PTCH2: variants seen among roughly 807,000 people sequenced by gnomAD.
PTCH2 encodes the protein patched 2, also known as protein patched homolog 2.
A neutral mutation model predicts 117.9 loss-of-function variants in PTCH2; 96 were observed. The ratio of observed to expected loss-of-function variants is 0.81; its 90% CI spans 0.69 to 0.96. The LOEUF is 0.96. PTCH2 is among the 50% of genes least tolerant of loss of function. The pLI is 0.00. For synonymous variants in PTCH2, 615 were observed against 660.9 expected (o/e 0.93, Z 1.06); for missense variants, 1,379 against 1,562.5 (o/e 0.88, Z 1.98).
intron 2 of PTCH2, among the ~76,000 whole-genome samples, chr1:44,838,093 AAAAG>A (rs1653767331): frequency 6.6e-6 from 1 of 151,940 alleles, no homozygotes; most frequent in Non-Finnish European, 1.5e-5. Context: ...AAAAAAAAAA[AAAAG>A]AAAGGATGGG....
intron 2 of PTCH2, among the ~76,000 whole-genome samples, chr1:44,836,485 G>A (rs1007766087): frequency 5.3e-5 from 8 of 152,068 alleles, no homozygotes; most frequent in East Asian, 3.9e-4. Context: ...CGAGGTGGGC[G>A]GATCACGAAG....
chr1:44,823,110 G>A lies in PTCH2; in HGVS notation c.3316C>T (p.Leu1106=), dbSNP rs778743979. Residue 1106 remains leucine, a synonymous_variant, in exon 21 of 22, where the codon CTG becomes TTG. Transcript: ENST00000372192. This position sits in a 1 kb window ranked among gnomAD's most constrained non-coding sequence, Gnocchi z 5.1. ...TLLGLLHGLV[L]LPVLLSILGP... ...AGGATGGACAGCAGCACAGGCAGCA[G>A]CACGAGTCCATGGAGGAGGCCCAGG... is the stretch of plus-strand genomic sequence containing the variant. The A allele has an allele frequency of 2.5e-6, 4 of 1,613,920 alleles. No homozygotes were observed. The South Asian group carries it at 3.3e-5, about 13-fold the overall frequency.
In PTCH2 at chr1:44,831,777, C is replaced by A. The variant is rs547735253; in HGVS notation, c.546G>T (p.Pro182=). 1 of 1,600,024 alleles carries A rather than the reference C, an allele frequency of 6.2e-7. No individual in the cohort carries two copies. The highest frequency in any genetic ancestry group is 8.5e-7 in the Non-Finnish European group (1 of 1,173,186). The change falls in exon 5 of 22, where the codon CCG becomes CCT. Residue 182 remains proline, a synonymous_variant. Transcript: ENST00000372192. The surrounding 1 kb of genome is among the most constrained non-coding windows in gnomAD (Gnocchi z 4.3). The part of the protein sequence containing the change: ...MIERMIEKLF[P]CVILTPLDCF... ...AGTCGAGGGGGGTGAGGATCACGCA[C>A]GGAAACAGCTTCTCAATCATCTGCC...
downstream of PTCH2, chr1:44,819,974 C>G (rs150681043): frequency 2.8e-3 from 437 of 154,160 alleles, 2 homozygotes; most frequent in Non-Finnish European, 3.9e-3. Flanking sequence ...AAGATTTATG[C>G]GCTTTGAAGA....
chr1:44,840,528 T>C (rs1653902652), intron 2 of PTCH2, among the ~76,000 whole-genome samples: 1 of 151,092 alleles, frequency 6.6e-6, no homozygotes. Context: ...CTGGCCAACA[T>C]GGTGAAACCT....
downstream of PTCH2, among the ~76,000 whole-genome samples, chr1:44,821,512 C>T (rs1389440817): frequency 1.3e-5 from 2 of 152,216 alleles, no homozygotes; most frequent in Admixed American, 6.5e-5. Context: ...TCTGCTTCAA[C>T]TGGCTGCTTT....
In PTCH2 at chr1:44,826,504, C is replaced by G. The variant is rs1268299842; in HGVS notation, c.2960G>C (p.Trp987Ser). The G allele has an allele frequency of 6.8e-6, 11 of 1,613,774 alleles. No homozygotes were observed. Among genetic ancestry groups the G allele is most frequent in the Non-Finnish European group, 9.3e-6 (11 of 1,180,022 alleles). ...AGCACTCACTATGAGGCCAGCCGTC[C>G]AGGGGTTGAGGAGCAGCAGAGCACA... The part of the protein sequence containing the change: ...LVCALLLLNP[W>S]TAGLIVLVLA... Residue 987 changes from tryptophan to serine, a missense_variant, in exon 18 of 22, where the codon TGG becomes TCG. Physicochemically the swap from Trp to Ser is radical, Grantham distance 177. Transcript: ENST00000372192. This position sits in a 1 kb window ranked among gnomAD's most constrained non-coding sequence, Gnocchi z 5.1.
In PTCH2 at chr1:44,843,131, C is replaced by T. The variant is rs916022686; in HGVS notation, c.-199G>A. On this transcript the variant is annotated 5_prime_UTR_variant, in exon 1 of 22. Coordinates refer to ENST00000372192, the MANE Select transcript of PTCH2 (RefSeq NM_003738.5). ...AGTGCAGGGAGCTGCGGGTCCGGGG[C>T]GCGGCGCCGGGATTCACCCGCTCCG... The T allele has an allele frequency of 8.5e-5, 111 of 1,300,058 alleles. No homozygotes were observed. Among genetic ancestry groups the T allele is most frequent in the Non-Finnish European group, 9.8e-5 (101 of 1,025,628 alleles). 80.5% of individuals were successfully genotyped at this position (1,300,058 alleles called of 1,614,324 possible).
At position 44,827,448 on chromosome 1, in the gene PTCH2, G is replaced by A; in HGVS notation, c.2325C>T (p.Thr775=). ...AGTGCAGCCAGGTGCGGGGTGCCTG[G>A]GTGGCCGGTGGGGGCAGCACCGCCT... ...SLKAVLPPPA[T]QAPRTWLHYY... is the part of the protein sequence containing the mutation. Residue 775 remains threonine (T), a synonymous_variant, in exon 15 of 22, where the codon ACC becomes ACT. Coordinates refer to ENST00000372192, the MANE Select transcript of PTCH2 (RefSeq NM_003738.5). The A allele has an allele frequency of 5.6e-6, 9 of 1,614,122 alleles. No individual in the cohort carries two copies. The highest frequency in any genetic ancestry group is 7.6e-6 in the Non-Finnish European group (9 of 1,180,012).
At chr1:44,825,715 C>T (rs1239058700) in intron 19 of PTCH2, among the ~76,000 whole-genome samples, 2 of 149,772 alleles carry the variant, frequency 1.3e-5, no homozygotes, top group Non-Finnish European at 3.0e-5. Flanking sequence ...TCAGTAGAGA[C>T]GGGGTTTTGC....
chr1:44,841,714 G>A (rs1653954632), intron 2 of PTCH2, 133 bp downstream of exon 2: 2 of 905,420 alleles, frequency 2.2e-6, no homozygotes, highest in Non-Finnish European at 3.6e-6. Context: ...ATGCCCAGGT[G>A]TAGGACTCTG....
At chr1:44,842,440 C>T (rs1653995227) in intron 1 of PTCH2, among the ~76,000 whole-genome samples, 1 of 151,934 alleles carries the variant, frequency 6.6e-6, no homozygotes, top group South Asian at 2.1e-4. Context: ...CCACCACGCC[C>T]TGCTAATTTT....
In PTCH2 at chr1:44,830,957, C is replaced by T. The variant is rs376337405; in HGVS notation, c.704G>A (p.Arg235Gln). 4.3e-5 allele frequency: 69 copies of T among 1,610,186 alleles called. No individual in the cohort carries two copies. The highest frequency in any genetic ancestry group is 5.3e-5 in the African/African-American group (4 of 74,826). Residue 235 changes from arginine (R) to glutamine (Q), a missense_variant, in exon 6 of 22, where the codon CGG becomes CAG. By Grantham distance (43) the Arg-to-Gln change is conservative. Coordinates refer to ENST00000372192, the MANE Select transcript of PTCH2 (RefSeq NM_003738.5). ...LGPFASLEGF[R>Q]ELLDKAQVGQ... ...CACCTGTGCCTTGTCTAGCAGCTCC[C>T]GGAAGCCCTCAAGGGAGGCAAAGGG...
Position 44,828,166 on chromosome 1 carries a change from T to C in PTCH2, c.1735A>G (p.Ile579Val), listed in dbSNP as rs764537245. Residue 579 changes from isoleucine (I) to valine (V), a missense_variant, in exon 14 of 22, where the codon ATC (isoleucine) becomes GTC (valine). Physicochemically the swap from Ile to Val is conservative, Grantham distance 29. Coordinates refer to ENST00000372192, the MANE Select transcript of PTCH2 (RefSeq NM_003738.5). ...SSPCSAQVIQ[I>V]LPQELGDGTV... ...CCGTCCCCCAGCTCCTGGGGCAGGA[T>C]CTGAATCACCTGAGCAGAGCAGGGA... 1 of 1,613,632 alleles carries C rather than the reference T, an allele frequency of 6.2e-7. No homozygotes were observed. The highest frequency in any genetic ancestry group is 8.5e-7 in the Non-Finnish European group (1 of 1,180,006).
chr1:44,826,995 G>A lies in PTCH2; in HGVS notation c.2602C>T (p.Pro868Ser), dbSNP rs1377075089. ...GCCTGTGAGGCTGCCAGACCCAGGG[G>A]GTCACTGCTCACCCACACGGTCAGC... ...MGLTVWVSSD[P>S]LGLAASQANF... Residue 868 changes from proline to serine, a missense_variant, in exon 17 of 22, where the codon CCC becomes TCC. By Grantham distance (74) the Pro-to-Ser change is moderately conservative. Transcript: ENST00000372192. This position sits in a 1 kb window ranked among gnomAD's most constrained non-coding sequence, Gnocchi z 5.1. 6.2e-7 allele frequency: 1 copy of A among 1,614,082 alleles called. No homozygotes were observed. The highest frequency in any genetic ancestry group is 8.5e-7 in the Non-Finnish European group (1 of 1,180,028).
intron 1 of PTCH2, among the ~76,000 whole-genome samples, chr1:44,842,567 G>A (rs566247842): frequency 1.8e-4 from 28 of 152,260 alleles, no homozygotes; most frequent in Admixed American, 1.6e-3. Context: ...GTGAGTCACC[G>A]CGCCCGGCCG....
chr1:44,829,372 TG>T (rs2148877504), intron 9 of PTCH2, 29 bp downstream of exon 9: 1 of 1,613,626 alleles, frequency 6.2e-7, no homozygotes, highest in Non-Finnish European at 8.5e-7. Flanking sequence ...GGAGGTGGGG[TG>T]GGGGCAAGGT....
chr1:44,839,745 G>C (rs1000874098), intron 2 of PTCH2, among the ~76,000 whole-genome samples: 1 of 152,150 alleles, frequency 6.6e-6, no homozygotes, highest in Admixed American at 6.5e-5. Context: ...CTGTGTCCTG[G>C]GGCTGGGGGC....
Position 44,828,154 on chromosome 1 carries a change from C to G in PTCH2, c.1747G>C (p.Glu583Gln). The G allele has an allele frequency of 6.2e-7, 1 of 1,613,864 alleles. No homozygotes were observed. ...SAQVIQILPQ[E>Q]LGDGTVPVGI... ...ACTGGTACTGTCCCGTCCCCCAGCT[C>G]CTGGGGCAGGATCTGAATCACCTGA... Residue 583 changes from glutamate (E) to glutamine (Q), a missense_variant, in exon 14 of 22, where the codon GAG becomes CAG. Glu to Gln is a conservative substitution (Grantham distance 29, BLOSUM62 2). Coordinates refer to ENST00000372192, the MANE Select transcript of PTCH2 (RefSeq NM_003738.5).
Sources: allele counts gnomAD v4.1 joint callset (sites outside exome capture counted in the v4.1 genomes callset), GRCh38; gene constraint gnomAD v4.1.1; non-coding constraint Gnocchi (gnomAD v3.1); transcripts MANE v1.5; gene names NCBI Gene and HGNC (gene_info 2026-07-23, HGNC 2026-07-21).